ABCA1: variants seen among roughly 807,000 people sequenced by gnomAD.
ABCA1 encodes phospholipid-transporting ATPase ABCA1.
Under a neutral mutation model 262.5 loss-of-function variants are expected in ABCA1, and 133 were observed. That is an observed-to-expected ratio of 0.51 (90% confidence interval 0.44 to 0.59). The LOEUF (loss-of-function observed/expected upper bound fraction) is 0.59, where lower values mean the gene tolerates loss of function less well. Among genes scored for constraint, ABCA1 ranks in the 20% least tolerant of loss-of-function variants. ABCA1 has a pLI of 0.00. For synonymous variants in ABCA1, 1,022 were observed against 1,043.5 expected (o/e 0.98, Z 0.40); for missense variants, 2,452 against 2,777.5 (o/e 0.88, Z 2.63).
At chr9:104,831,187 T>G in intron 13 of ABCA1, 86 bp from the exon 14 acceptor site, 54 of 1,126,750 alleles carry the variant, frequency 4.8e-5, no homozygotes, top group Middle Eastern at 3.1e-4. Flanking sequence ...AAAACCCTAC[T>G]ACCCTTACCA....
At chr9:104,800,377 A>C in intron 35 of ABCA1, 133 bp downstream of exon 35, 1 of 842,982 alleles carries the variant, frequency 1.2e-6, no homozygotes, top group Non-Finnish European at 2.0e-6. Context: ...GTACTGCCTC[A>C]CTGGTAAAGT....
chr9:104,836,846 T>C (rs1833857899), intron 11 of ABCA1, 134 bp downstream of exon 11: 2 of 737,876 alleles, frequency 2.7e-6, no homozygotes, highest in South Asian at 3.1e-5. Flanking sequence ...CCTGTGACTT[T>C]AGCTATGCTC....
chr9:104,818,671 G>A lies in ABCA1; in HGVS notation c.3454C>T (p.Leu1152=), dbSNP rs777742627. The change falls in exon 23 of 50, where the codon CTG becomes TTG. Residue 1152 remains leucine, a synonymous_variant. Coordinates refer to ENST00000374736, the MANE Select transcript of ABCA1 (RefSeq NM_005502.4). ...CCAAGACTGCAGCTCACCTTTTTCAGGTATGACACAGTGCTACTACTGTTT... is the reference window on the plus strand; with the variant it reads ...CCAAGACTGCAGCTCACCTTTTTCAAGTATGACACAGTGCTACTACTGTTT... The part of the protein sequence containing the change: ...CRNSSSTVSY[L]KKEDSVSQSS... The A allele has an allele frequency of 3.1e-6, 5 of 1,612,982 alleles. No homozygotes were observed. Among genetic ancestry groups the A allele is most frequent in the Non-Finnish European group, 4.2e-6 (5 of 1,179,990 alleles).
chr9:104,824,269 G>A (rs936210392), intron 18 of ABCA1, among the ~76,000 whole-genome samples, 196 bp downstream of exon 18: 1 of 152,194 alleles, frequency 6.6e-6, no homozygotes, highest in African/African-American at 2.4e-5. Context: ...GATCGAGACC[G>A]TGAACTCCCA....
chr9:104,884,015 C>T (rs1838926326), intron 4 of ABCA1, among the ~76,000 whole-genome samples: 1 of 152,216 alleles, frequency 6.6e-6, no homozygotes, highest in East Asian at 1.9e-4. Context: ...TGACCTGATG[C>T]AGAGAAGACA....
At chr9:104,890,891 C>G (rs1839669152) in intron 2 of ABCA1, among the ~76,000 whole-genome samples, 1 of 152,164 alleles carries the variant, frequency 6.6e-6, no homozygotes, top group Non-Finnish European at 1.5e-5. Context: ...GAGACAATCC[C>G]TAGTAAACTG....
chr9:104,851,411 C>A (rs188057224), intron 7 of ABCA1, among the ~76,000 whole-genome samples: 1 of 152,174 alleles, frequency 6.6e-6, no homozygotes, highest in Non-Finnish European at 1.5e-5. Context: ...CTTCTCCCAT[C>A]AAACTCCCCA....
intron 3 of ABCA1, 21 bp downstream of exon 3, chr9:104,889,081 G>A (rs772666599): frequency 1.0e-5 from 16 of 1,605,494 alleles, no homozygotes; most frequent in African/African-American, 1.3e-5. Flanking sequence ...TGAGTCTCAG[G>A]CAACATCCAC....
intron 25 of ABCA1, among the ~76,000 whole-genome samples, chr9:104,815,345 T>C (rs1308144881): frequency 1.3e-5 from 2 of 152,152 alleles, no homozygotes; most frequent in Non-Finnish European, 2.9e-5. Context: ...CAAACCTTAG[T>C]ATGTTTATTT....
intron 5 of ABCA1, 137 bp downstream of exon 5, chr9:104,882,902 C>A: frequency 1.1e-6 from 1 of 915,530 alleles, no homozygotes; most frequent in Non-Finnish European, 1.8e-6. Flanking sequence ...AGAGGGGCCC[C>A]ACAGGCCAGC....
At chr9:104,836,940 T>A (rs1207713620) in intron 11 of ABCA1, 40 bp downstream of exon 11, 7 of 1,502,788 alleles carry the variant, frequency 4.7e-6, no homozygotes, top group Non-Finnish European at 6.5e-6. Context: ...ACCTCTCCAG[T>A]ATCAAGCAGG....
At position 104,844,918 on chromosome 9, in the gene ABCA1, G is replaced by C. The variant is rs374619217; in HGVS notation, c.813+559C>G. Among the ~76,000 whole-genome samples the C allele has an allele frequency of 7.6e-4, 116 of 152,348 alleles. 2 individuals are homozygous for C. In the South Asian group the frequency reaches 0.024, roughly 31 times the overall value. ...CTACAGGCCCTCTGATCCTAGGACAGAGATTACTCTGATACATTTGTCAAC... is the reference window on the plus strand; with the variant it reads ...CTACAGGCCCTCTGATCCTAGGACACAGATTACTCTGATACATTTGTCAAC... On this transcript the variant is annotated intron_variant, in intron 8 of 49. Coordinates refer to ENST00000374736, the MANE Select transcript of ABCA1 (RefSeq NM_005502.4).
chr9:104,837,542 C>T lies in ABCA1; in HGVS notation c.1080G>A (p.Lys360=), dbSNP rs755096584. 4.5e-5 allele frequency: 72 copies of T among 1,614,000 alleles called. 1 individual carries two copies. The highest frequency in any genetic ancestry group is 4.1e-4 in the South Asian group (37 of 91,082). ...GGGAAAGAGGACTAGACTCCAAATT[C>T]TTCATCAAATCATTGCAGTAAGGAG... is the stretch of plus-strand genomic sequence containing the variant. ...STTPYCNDLM[K]NLESSPLSRI... is the part of the protein sequence containing the mutation. The change falls in exon 10 of 50, where the codon AAG becomes AAA. Residue 360 remains lysine (K), a synonymous_variant. Coordinates refer to ENST00000374736, the MANE Select transcript of ABCA1 (RefSeq NM_005502.4).
intron 11 of ABCA1, among the ~76,000 whole-genome samples, chr9:104,835,293 T>C (rs1228396593): frequency 6.6e-6 from 1 of 151,036 alleles, no homozygotes; most frequent in Non-Finnish European, 1.5e-5. Context: ...AAGAAAACAG[T>C]TGGAAGAGGT....
At position 104,883,031 on chromosome 9, in the gene ABCA1, T is replaced by G; in HGVS notation, c.421+8A>C. ...TTATAAACGGATGCAGAGAAGGTTT[T>G]TACTTACTTGAGCTGGATTTCTTGA... On this transcript the variant is annotated splice_region_variant and intron_variant, in intron 5 of 49. Coordinates refer to ENST00000374736, the MANE Select transcript of ABCA1 (RefSeq NM_005502.4). 1 of 1,608,150 alleles carries G rather than the reference T, an allele frequency of 6.2e-7. No homozygotes were observed. The highest frequency in any genetic ancestry group is 8.5e-7 in the Non-Finnish European group (1 of 1,174,576).
At chr9:104,910,956 C>T (rs986018532) in intron 1 of ABCA1, among the ~76,000 whole-genome samples, 5 of 152,194 alleles carry the variant, frequency 3.3e-5, no homozygotes, top group Non-Finnish European at 5.9e-5. Context: ...ATCTACCTGC[C>T]TCAGCCTCCC....
At chr9:104,869,312 G>A (rs1403543242) in intron 5 of ABCA1, among the ~76,000 whole-genome samples, 2 of 152,106 alleles carry the variant, frequency 1.3e-5, no homozygotes, top group South Asian at 2.1e-4. Flanking sequence ...TGGACCCCTG[G>A]GGTGGGGGTG....
chr9:104,925,639 T>G (rs1330909026), intron 1 of ABCA1, among the ~76,000 whole-genome samples: 1 of 152,190 alleles, frequency 6.6e-6, no homozygotes, highest in Non-Finnish European at 1.5e-5. Context: ...CTTCTGATTG[T>G]AAACCAATGT....
chr9:104,866,955 T>C (rs1041531726), intron 5 of ABCA1, among the ~76,000 whole-genome samples: 2 of 152,126 alleles, frequency 1.3e-5, no homozygotes, highest in African/African-American at 2.4e-5. Context: ...AGGCACTCAG[T>C]AAATTGGATG....
Sources: allele counts gnomAD v4.1 joint callset (sites outside exome capture counted in the v4.1 genomes callset), GRCh38; gene constraint gnomAD v4.1.1; transcripts MANE v1.5; gene names NCBI Gene and HGNC (gene_info 2026-07-23, HGNC 2026-07-21).